NFX1: variants seen among roughly 807,000 people sequenced by gnomAD.
The protein encoded by NFX1 is transcriptional repressor NF-X1.
A neutral mutation model predicts 137.2 loss-of-function variants in NFX1; 69 were observed. That is an observed-to-expected ratio of 0.50 (90% CI 0.41 to 0.61). The LOEUF is 0.61. Ranked by LOEUF, NFX1 falls within the 20% of genes least tolerant of loss-of-function variation. NFX1 has a pLI of 0.00. For synonymous variants in NFX1, 495 were observed against 474.1 expected (o/e 1.04, Z -0.57); for missense variants, 1,167 against 1,391.0 (o/e 0.84, Z 2.56).
At chr9:33,337,265 A>G (rs1823041152) in intron 11 of NFX1, among the ~76,000 whole-genome samples, 1 of 152,126 alleles carries the variant, frequency 6.6e-6, no homozygotes, top group Non-Finnish European at 1.5e-5. Flanking sequence ...CATGTACAAA[A>G]TTTTTTCTCA....
At chr9:33,323,044 T>C (rs1158484729) in intron 9 of NFX1, among the ~76,000 whole-genome samples, 1 of 152,168 alleles carries the variant, frequency 6.6e-6, no homozygotes, top group Non-Finnish European at 1.5e-5. Flanking sequence ...GAACTGCAAT[T>C]AATGGATCCT....
chr9:33,332,540 G>C, intron 11 of NFX1, 38 bp downstream of exon 11: 1 of 1,449,354 alleles, frequency 6.9e-7, no homozygotes, highest in Non-Finnish European at 9.5e-7. Flanking sequence ...TTTCTGGGGT[G>C]AAAGTGTCGT....
chr9:33,363,992 CCTCT>C lies in NFX1; in HGVS notation c.2874-9_2874-6del, dbSNP rs762278570. 3.3e-6 allele frequency: 5 copies of C among 1,514,046 alleles called. No homozygotes were observed. The highest frequency in any genetic ancestry group is 2.5e-5 in the South Asian group (2 of 79,306). 93.8% of individuals were successfully genotyped at this position (1,514,046 alleles called of 1,614,324 possible). The stretch of plus-strand genomic sequence containing the variant: ...CCCTCCCACTCCTTTTATTTGCATA[CCTCT>C]CTCTCTCTTTCAGGAGATTAGCAGA... On this transcript the variant is annotated splice_polypyrimidine_tract_variant and intron_variant, in intron 19 of 23. Transcript: ENST00000379540.
At chr9:33,326,457 A>G (rs1822593525) in intron 9 of NFX1, among the ~76,000 whole-genome samples, 2 of 148,160 alleles carry the variant, frequency 1.3e-5, no homozygotes, top group African/African-American at 5.0e-5. Flanking sequence ...TGTAGCTCTC[A>G]CCTGTAATCC....
In NFX1 at chr9:33,319,140, C is replaced by A. The variant is rs756509327; in HGVS notation, c.1906+13C>A. The A allele has an allele frequency of 6.2e-7, 1 of 1,611,154 alleles. No individual in the cohort carries two copies. The highest frequency in any genetic ancestry group is 8.5e-7 in the Non-Finnish European group (1 of 1,177,428). On this transcript the variant is annotated intron_variant, in intron 9 of 23. Coordinates refer to ENST00000379540, the MANE Select transcript of NFX1 (RefSeq NM_002504.6). ...TGTGGTTCCTTAGGTAACTAGTAAGCGTAAAGTTGGCTTTAAAAATATTAT... is the reference window on the plus strand; with the variant it reads ...TGTGGTTCCTTAGGTAACTAGTAAGAGTAAAGTTGGCTTTAAAAATATTAT...
At chr9:33,351,537 C>G (rs370223065) in intron 15 of NFX1, 23 bp from the exon 16 acceptor site, 1 of 1,603,208 alleles carries the variant, frequency 6.2e-7, no homozygotes, top group African/African-American at 1.3e-5. Context: ...AGATGAGAAT[C>G]TGGCTACTTC....
At chr9:33,340,406 T>TGCATGCA (rs1244112912) in intron 12 of NFX1, among the ~76,000 whole-genome samples, 1 of 152,206 alleles carries the variant, frequency 6.6e-6, no homozygotes, top group Non-Finnish European at 1.5e-5. Context: ...GTCCCGAGGC[T>TGCATGCA]GCATGCAGCA....
At position 33,364,048 on chromosome 9, in the gene NFX1, A is replaced by T. The variant is rs769581738; in HGVS notation, c.2912A>T (p.Asp971Val). The stretch of plus-strand genomic sequence containing the variant: ...GCATTTCATATCAGTGAGGATTCTG[A>T]TCCTTTCAATATACGTTCTTCAGGG... ...AEAFHISEDS[D>V]PFNIRSSGSK... The change falls in exon 20 of 24, where the codon GAT becomes GTT. Residue 971 changes from aspartate (D) to valine (V), a missense_variant. Physicochemically the swap from Asp to Val is radical, Grantham distance 152. Transcript: ENST00000379540. The T allele has an allele frequency of 5.0e-6, 8 of 1,604,786 alleles. No homozygotes were observed. In the East Asian group the frequency reaches 1.8e-4, roughly 36 times the overall value.
At chr9:33,328,487 C>G in intron 9 of NFX1, 94 bp from the exon 10 acceptor site, 1 of 808,580 alleles carries the variant, frequency 1.2e-6, no homozygotes, top group Non-Finnish European at 2.1e-6. Flanking sequence ...AGTTGCAGGG[C>G]ATGGAGGGGA....
At chr9:33,347,755 ATTGC>A in intron 15 of NFX1, 1 of 348,324 alleles carries the variant, frequency 2.9e-6, no homozygotes. Context: ...ACAATTCACA[ATTGC>A]AAAAATGTGG....
chr9:33,313,933 A>G, intron 7 of NFX1, 140 bp downstream of exon 7: 3 of 784,026 alleles, frequency 3.8e-6, no homozygotes, highest in South Asian at 3.6e-5. Flanking sequence ...TACGATGCTT[A>G]GACGGTTTTT....
chr9:33,317,552 C>T (rs1173566033), intron 7 of NFX1, among the ~76,000 whole-genome samples: 1 of 150,280 alleles, frequency 6.7e-6, no homozygotes, highest in Non-Finnish European at 1.5e-5. Flanking sequence ...AAAATCAAGG[C>T]AGGCACAGTG....
intron 11 of NFX1, among the ~76,000 whole-genome samples, chr9:33,336,435 C>T (rs1294393139): frequency 1.3e-5 from 2 of 151,916 alleles, no homozygotes; most frequent in African/African-American, 2.4e-5. Flanking sequence ...AGGCTGGTCT[C>T]GAACTCCTGA....
At position 33,370,050 on chromosome 9, in the gene NFX1, T is replaced by C. The variant is rs1393257254; in HGVS notation, c.*72T>C. The C allele has an allele frequency of 1.7e-6, 2 of 1,173,880 alleles. No individual in the cohort carries two copies. The highest frequency in any genetic ancestry group is 3.0e-5 in the African/African-American group (2 of 66,024). 72.7% of individuals were successfully genotyped at this position (1,173,880 alleles called of 1,614,324 possible). A position where few individuals can be genotyped will look rare whatever the true frequency, so the allele number is the denominator to read the frequency against. ...GACTTATTTGCCAGCAGATAAATCA[T>C]GCCCGTTCCCCTCTGCCTGGCAGAA... On this transcript the variant is annotated 3_prime_UTR_variant, in exon 24 of 24. Coordinates refer to ENST00000379540, the MANE Select transcript of NFX1 (RefSeq NM_002504.6).
chr9:33,297,781 C>T (rs946653424), intron 2 of NFX1, among the ~76,000 whole-genome samples: 2 of 152,250 alleles, frequency 1.3e-5, no homozygotes, highest in African/African-American at 4.8e-5. Flanking sequence ...TTGAGGCCTG[C>T]GGGAAAGCAG....
At chr9:33,324,407 T>C (rs1822503056) in intron 9 of NFX1, among the ~76,000 whole-genome samples, 1 of 152,036 alleles carries the variant, frequency 6.6e-6, no homozygotes, top group African/African-American at 2.4e-5. Flanking sequence ...TAAATTTAGC[T>C]GGGCATGGTG....
intron 4 of NFX1, among the ~76,000 whole-genome samples, chr9:33,306,319 A>C: frequency 6.6e-6 from 1 of 152,202 alleles, no homozygotes; most frequent in Non-Finnish European, 1.5e-5. Flanking sequence ...GGAGTTATAG[A>C]GGGAAGATGT....
intron 11 of NFX1, among the ~76,000 whole-genome samples, chr9:33,336,321 T>C (rs1587853579): frequency 6.6e-6 from 1 of 152,288 alleles, no homozygotes; most frequent in South Asian, 2.1e-4. Flanking sequence ...GTTCGAGTGA[T>C]TCACCTGCCT....
Position 33,301,361 on chromosome 9 carries a change from T to TA in NFX1, c.1133dup (p.Tyr378Ter), listed in dbSNP as rs1564103085. The change falls in exon 3 of 24, where the codon TAC becomes TAAC. Residue 378 changes from tyrosine to a stop codon, truncating the protein, a stop_gained and frameshift_variant. Transcript: ENST00000379540. LOFTEE classifies it high-confidence loss of function. ...TAPVWSCQSC[Y>*]HVFHLNCIKK... ...CCCAGTGTGGAGTTGTCAGAGCTGT[T>TA]ACCATGTGTTTCATTTGAACTGCAT... The TA allele has an allele frequency of 6.2e-7, 1 of 1,614,216 alleles. No homozygotes were observed. The highest frequency in any genetic ancestry group is 1.6e-4 in the Middle Eastern group (1 of 6,062).
Sources: gnomAD v4.1 joint callset for allele counts (sites outside exome capture counted in the v4.1 genomes callset) on GRCh38, gnomAD v4.1.1 for gene constraint, MANE v1.5 for transcripts, NCBI Gene and HGNC (gene_info 2026-07-23, HGNC 2026-07-21) for gene names.